The following TCF4 variants were observed in gnomAD, a reference collection of about 807,000 sequenced individuals.
TCF4 encodes the protein transcription factor 4.
Under a neutral mutation model 82.1 loss-of-function variants are expected in TCF4, and 3 were observed. The ratio of observed to expected loss-of-function variants is 0.04; its 90% CI spans 0.02 to 0.09. The LOEUF (loss-of-function observed/expected upper bound fraction) is 0.09. Ranked by LOEUF, TCF4 falls within the 10% of genes least tolerant of loss-of-function variation. TCF4 has a pLI of 1.00. For missense variants in TCF4, 518 were observed against 852.7 expected (o/e 0.61, Z 4.89); for synonymous variants, 276 against 309.6 (o/e 0.89, Z 1.14).
intron 8 of TCF4, among the ~76,000 whole-genome samples, chr18:55,306,103 CAA>C (rs2070233740): frequency 1.3e-5 from 2 of 152,146 alleles, no homozygotes; most frequent in Non-Finnish European, 2.9e-5. Flanking sequence ...CATGTAACAA[CAA>C]AATCAACCAC....
chr18:55,568,072 C>A (rs1347629714), intron 3 of TCF4, among the ~76,000 whole-genome samples: 1 of 150,462 alleles, frequency 6.6e-6, no homozygotes, highest in Non-Finnish European at 1.5e-5. Flanking sequence ...AATACAGTCA[C>A]CACAGTCATC....
At chr18:55,524,182 T>C (rs1385028221) in intron 3 of TCF4, among the ~76,000 whole-genome samples, 1 of 152,146 alleles carries the variant, frequency 6.6e-6, no homozygotes, top group Non-Finnish European at 1.5e-5. Context: ...TTATAAAATA[T>C]GTAGAACAGG....
chr18:55,445,965 C>CAG (rs779735564), intron 5 of TCF4, among the ~76,000 whole-genome samples: 2 of 152,192 alleles, frequency 1.3e-5, no homozygotes, highest in Non-Finnish European at 2.9e-5. Context: ...TCTAAGAGTT[C>CAG]ACATTCCAAG....
At chr18:55,286,624 G>A (rs913537336) in intron 8 of TCF4, among the ~76,000 whole-genome samples, 1 of 152,192 alleles carries the variant, frequency 6.6e-6, no homozygotes, top group Non-Finnish European at 1.5e-5. Flanking sequence ...TGCACTGTAA[G>A]GCGTCAAGGC....
chr18:55,580,497 T>G (rs2097565262), intron 3 of TCF4, among the ~76,000 whole-genome samples: 1 of 152,058 alleles, frequency 6.6e-6, no homozygotes, highest in East Asian at 1.9e-4. Flanking sequence ...TCTACTGTAT[T>G]TTCTTAGTAA....
intron 15 of TCF4, among the ~76,000 whole-genome samples, chr18:55,250,382 T>C (rs924184191): frequency 6.6e-6 from 1 of 152,066 alleles, no homozygotes; most frequent in Admixed American, 6.5e-5. Flanking sequence ...GGAAACTTCT[T>C]TTGCCAACCA....
chr18:55,356,406 G>A (rs977992106), intron 6 of TCF4, among the ~76,000 whole-genome samples: 5 of 152,092 alleles, frequency 3.3e-5, no homozygotes, highest in African/African-American at 1.2e-4. Context: ...TAAAGAAATT[G>A]CCCAACAATC....
chr18:55,252,376 G>A (rs1021475955), intron 15 of TCF4, among the ~76,000 whole-genome samples: 3 of 143,676 alleles, frequency 2.1e-5, no homozygotes, highest in African/African-American at 7.6e-5. Context: ...GTGTGTGTGT[G>A]TGTGTATATC....
intron 8 of TCF4, among the ~76,000 whole-genome samples, chr18:55,307,369 A>G (rs1349284873): frequency 6.6e-6 from 1 of 152,184 alleles, no homozygotes; most frequent in Non-Finnish European, 1.5e-5. Flanking sequence ...GCTGGCTTCT[A>G]TTTTATATTA....
intron 3 of TCF4, among the ~76,000 whole-genome samples, chr18:55,541,004 A>G (rs1489084749): frequency 6.6e-6 from 1 of 152,032 alleles, no homozygotes; most frequent in Non-Finnish European, 1.5e-5. Flanking sequence ...GTGCCCATGT[A>G]AAAAAATTAT....
intron 2 of TCF4, among the ~76,000 whole-genome samples, chr18:55,628,567 A>G (rs766014242): frequency 5.5e-4 from 83 of 152,236 alleles, no homozygotes; most frequent in Admixed American, 9.8e-4. Context: ...AAAGCCTTGG[A>G]AAAAAATTAA....
chr18:55,512,020 G>A (rs539256750), intron 3 of TCF4, among the ~76,000 whole-genome samples: 3 of 152,162 alleles, frequency 2.0e-5, no homozygotes, highest in East Asian at 1.9e-4. Flanking sequence ...CATGAAAAAC[G>A]TTCAGTGTCA....
At chr18:55,288,553 G>A (rs778352913) in intron 8 of TCF4, among the ~76,000 whole-genome samples, 3 of 152,146 alleles carry the variant, frequency 2.0e-5, no homozygotes, top group Non-Finnish European at 2.9e-5. Context: ...TTCTCTCCGC[G>A]GTGCTCATGG....
chr18:55,465,368 G>C (rs2095989753), intron 3 of TCF4, among the ~76,000 whole-genome samples: 1 of 151,668 alleles, frequency 6.6e-6, no homozygotes. Flanking sequence ...AATATCTTAA[G>C]AGATAGAAAA....
intron 5 of TCF4, among the ~76,000 whole-genome samples, chr18:55,454,683 T>C (rs1408272890): frequency 2.0e-5 from 3 of 152,154 alleles, no homozygotes; most frequent in African/African-American, 7.2e-5. Flanking sequence ...ATTCATAAAA[T>C]AGAGATGAAT....
chr18:55,245,149 T>C lies in TCF4; in HGVS notation c.1350+9348A>G, dbSNP rs539052446. On this transcript the variant is annotated intron_variant, in intron 15 of 19. Transcript: ENST00000354452. ...AGAAAATGTAATGCTACAGCTTTTTTTCAGTTCTCACTCCTAAAGCTGCTT... is the reference window on the plus strand; with the variant it reads ...AGAAAATGTAATGCTACAGCTTTTTCTCAGTTCTCACTCCTAAAGCTGCTT... 2.6e-5 allele frequency among the ~76,000 whole-genome samples: 4 copies of C among 152,364 alleles called. No homozygotes were observed. In the South Asian group the frequency reaches 8.3e-4, roughly 32 times the overall value.
chr18:55,295,345 CGAT>C (rs2066218060), intron 8 of TCF4, among the ~76,000 whole-genome samples: 1 of 152,146 alleles, frequency 6.6e-6, no homozygotes, highest in African/African-American at 2.4e-5. Context: ...GTGATGAGGA[CGAT>C]GATGATGACG....
At chr18:55,584,849 T>C (rs948259871) in intron 3 of TCF4, among the ~76,000 whole-genome samples, 4 of 152,210 alleles carry the variant, frequency 2.6e-5, no homozygotes, top group Non-Finnish European at 5.9e-5. Context: ...GAATTAAGTG[T>C]TCATTTCTTT....
chr18:55,530,471 A>T (rs927235021), intron 3 of TCF4, among the ~76,000 whole-genome samples: 3 of 143,030 alleles, frequency 2.1e-5, no homozygotes, highest in Non-Finnish European at 4.5e-5. Flanking sequence ...AAACAGAGAG[A>T]GTGAAGAAGA....
Sources: allele counts gnomAD v4.1 joint callset (sites outside exome capture counted in the v4.1 genomes callset), GRCh38; gene constraint gnomAD v4.1.1; transcripts MANE v1.5; gene names NCBI Gene and HGNC (gene_info 2026-07-23, HGNC 2026-07-21).